Variants in SORBS2 observed in about 807,000 individuals in gnomAD.
SORBS2 encodes the protein sorbin and SH3 domain-containing protein 2.
In SORBS2, 46 loss-of-function variants were observed where a neutral mutation model predicts 97.7. The ratio of observed to expected loss-of-function variants is 0.47; its 90% CI spans 0.37 to 0.60. The LOEUF (loss-of-function observed/expected upper bound fraction) is 0.60. SORBS2 is among the 20% of genes least tolerant of loss of function. SORBS2 has a pLI of 0.00. For synonymous variants in SORBS2, 476 were observed against 473.4 expected (o/e 1.01, Z -0.07); for missense variants, 1,316 against 1,282.3 (o/e 1.03, Z -0.40).
At chr4:185,694,708 T>TTTTTTTTG (rs2098147633) in intron 2 of SORBS2, among the ~76,000 whole-genome samples, 1 of 131,380 alleles carries the variant, frequency 7.6e-6, no homozygotes, top group Admixed American at 7.9e-5. Context: ...TTTTCTTTCT[T>TTTTTTTTG]TTCTTTTCTT....
At chr4:185,786,205 G>A (rs2099055631) in intron 1 of SORBS2, among the ~76,000 whole-genome samples, 1 of 151,984 alleles carries the variant, frequency 6.6e-6, no homozygotes, top group South Asian at 2.1e-4. Context: ...CAAACAACTG[G>A]ATTAAGAAAA....
At position 185,615,515 on chromosome 4, in the gene SORBS2, T is replaced by TTA. The variant is rs533073864; in HGVS notation, c.2352-357_2352-356insTA. On this transcript the variant is annotated intron_variant, in intron 9 of 14. Coordinates refer to ENST00000418609, the Ensembl canonical transcript of SORBS2. ...AATGATGGAATAGTTCTGCACTGAT[T>TTA]TTTTTTTTTTTTGTCCTGAAGCTAG... 2.9e-3 allele frequency among the ~76,000 whole-genome samples: 403 copies of TTA among 138,578 alleles called. 1 individual carries two copies. The highest frequency in any genetic ancestry group is 0.011 in the African/African-American group (386 of 33,866). 90.9% of individuals were successfully genotyped at this position (138,578 alleles called of 152,430 possible).
At chr4:185,835,150 C>T (rs896794791) in intron 1 of SORBS2, among the ~76,000 whole-genome samples, 17 of 152,184 alleles carry the variant, frequency 1.1e-4, no homozygotes, top group Non-Finnish European at 2.2e-4. Flanking sequence ...CTTCCTGAAG[C>T]CTCCGCAGAA....
chr4:185,714,962 T>G (rs1408199580), intron 2 of SORBS2, among the ~76,000 whole-genome samples: 1 of 152,158 alleles, frequency 6.6e-6, no homozygotes, highest in Non-Finnish European at 1.5e-5. Context: ...AACACATGAG[T>G]CTATAAAGAA....
chr4:185,702,493 T>C (rs1363201783), intron 2 of SORBS2, among the ~76,000 whole-genome samples: 1 of 152,108 alleles, frequency 6.6e-6, no homozygotes, highest in Non-Finnish European at 1.5e-5. Flanking sequence ...CTCAAACACC[T>C]CCCATTAAGC....
chr4:185,847,337 C>G (rs1313981846), intron 1 of SORBS2, among the ~76,000 whole-genome samples: 4 of 152,120 alleles, frequency 2.6e-5, no homozygotes, highest in African/African-American at 9.7e-5. Context: ...GAATTGGTTT[C>G]CCTTTAAAAT....
intron 11 of SORBS2, 82 bp downstream of exon 23, chr4:185,614,749 A>C (rs1433472393): frequency 6.8e-7 from 1 of 1,473,744 alleles, no homozygotes; most frequent in Non-Finnish European, 9.2e-7. Context: ...AACCTATTTT[A>C]GTTTTGAAAA....
chr4:185,681,913 T>C (rs2097874650), intron 2 of SORBS2, among the ~76,000 whole-genome samples: 1 of 152,206 alleles, frequency 6.6e-6, no homozygotes, highest in African/African-American at 2.4e-5. Flanking sequence ...ACTGATATGC[T>C]CTATTGACAC....
chr4:185,765,755 T>C (rs898492413), intron 2 of SORBS2, among the ~76,000 whole-genome samples: 9 of 152,238 alleles, frequency 5.9e-5, no homozygotes, highest in Non-Finnish European at 1.0e-4. Context: ...ATCATCAATT[T>C]TTTTACCACA....
chr4:185,721,365 A>C (rs772709552), intron 2 of SORBS2, among the ~76,000 whole-genome samples: 1 of 152,150 alleles, frequency 6.6e-6, no homozygotes, highest in Non-Finnish European at 1.5e-5. Context: ...GTGAGCCAGC[A>C]TACCCGGTCC....
upstream of SORBS2, chr4:185,657,420 C>T: frequency 1.3e-6 from 2 of 1,537,002 alleles, no homozygotes; most frequent in Middle Eastern, 1.7e-4. Context: ...CTGGCATTTC[C>T]TACCGTTCTA....
Position 185,641,499 on chromosome 4 carries a change from C to A in SORBS2, c.396+5169G>T, listed in dbSNP as rs151046437. Among the ~76,000 whole-genome samples, 152 of 152,180 alleles carry A rather than the reference C, an allele frequency of 1.0e-3. No individual in the cohort carries two copies. The Middle Eastern group carries it at 0.014, about 14-fold the overall frequency. ...AGGCACTGCTAAGGAACACAGAAGC[C>A]TCGCAACAGTCAGTGACACACATAC... On this transcript the variant is annotated intron_variant, in intron 4 of 14. Transcript: ENST00000418609.
At chr4:185,877,673 C>A (rs2099234348) in intron 1 of SORBS2, among the ~76,000 whole-genome samples, 1 of 151,854 alleles carries the variant, frequency 6.6e-6, no homozygotes, top group Non-Finnish European at 1.5e-5. Context: ...TTGAGACCAG[C>A]CTGGCCAACA....
At chr4:185,703,635 G>T (rs548732100) in intron 2 of SORBS2, among the ~76,000 whole-genome samples, 1 of 152,274 alleles carries the variant, frequency 6.6e-6, no homozygotes, top group African/African-American at 2.4e-5. Context: ...CATGTGGATG[G>T]TTGTTGTTCT....
chr4:185,767,499 CAAAAAAAAAA>C (rs70962594), intron 2 of SORBS2, among the ~76,000 whole-genome samples: 1 of 60,702 alleles, frequency 1.6e-5, no homozygotes, highest in Admixed American at 1.7e-4. Context: ...GACTCTGTCT[CAAAAAAAAAA>C]AAAAAAAAAA....
exon 10 of SORBS2, chr4:185,615,149 A>G: frequency 6.2e-7 from 1 of 1,600,494 alleles, no homozygotes; most frequent in South Asian, 1.1e-5. Flanking sequence ...CCTTTCTTAA[A>G]TGACAACTCC....
chr4:185,668,610 C>T (rs1002006925), intron 4 of SORBS2, among the ~76,000 whole-genome samples: 9 of 152,136 alleles, frequency 5.9e-5, no homozygotes, highest in East Asian at 1.9e-4. Context: ...CCATGTTACA[C>T]GTGTTTCTCC....
chr4:185,595,336 T>G (rs2096060278), intron 12 of SORBS2, among the ~76,000 whole-genome samples: 1 of 152,200 alleles, frequency 6.6e-6, no homozygotes, highest in African/African-American at 2.4e-5. Flanking sequence ...CTCCTGTAAA[T>G]CAATATGACT....
intron 1 of SORBS2, among the ~76,000 whole-genome samples, chr4:185,845,593 C>T (rs926863284): frequency 3.9e-5 from 6 of 152,152 alleles, no homozygotes; most frequent in African/African-American, 9.6e-5. Flanking sequence ...AGTTAAAATA[C>T]TCTGCTAAAT....
Sources: gnomAD v4.1 joint callset for allele counts (sites outside exome capture counted in the v4.1 genomes callset) on GRCh38, gnomAD v4.1.1 for gene constraint, MANE v1.5 for transcripts, NCBI Gene and HGNC (gene_info 2026-07-23, HGNC 2026-07-21) for gene names.